The following MRO variants were observed in gnomAD, a reference collection of about 807,000 sequenced individuals.
The protein encoded by MRO is protein maestro.
A neutral mutation model predicts 31.0 loss-of-function variants in MRO; 28 were observed. The ratio of observed to expected loss-of-function variants is 0.90; its 90% CI spans 0.67 to 1.24. MRO has a LOEUF of 1.24. MRO is among the 50% of genes most tolerant of loss of function. MRO has a pLI of 0.00. For missense variants in MRO, 332 were observed against 289.2 expected (o/e 1.15, Z -1.07); for synonymous variants, 108 against 108.4 (o/e 1.00, Z 0.02).
chr18:50,824,450 T>G (rs1568141536), upstream of MRO, among the ~76,000 whole-genome samples: 1 of 146,156 alleles, frequency 6.8e-6, no homozygotes, highest in East Asian at 2.0e-4. Flanking sequence ...TTTCTTTTTT[T>G]TTTTCTTTCT....
At position 50,805,345 on chromosome 18, in the gene MRO, A is replaced by T; in HGVS notation, c.247-9T>A. Reference sequence around the variant, plus strand: ...TTCTTATACTTTCTCACCTGTCACCAAGGTTTGAAAAGCAGTAATAGCACA... The same window carrying T: ...TTCTTATACTTTCTCACCTGTCACCTAGGTTTGAAAAGCAGTAATAGCACA... On this transcript the variant is annotated splice_polypyrimidine_tract_variant and intron_variant, in intron 4 of 7. Transcript: ENST00000398439. The T allele has an allele frequency of 6.2e-7, 1 of 1,612,106 alleles. No individual in the cohort carries two copies. The highest frequency in any genetic ancestry group is 8.5e-7 in the Non-Finnish European group (1 of 1,178,846).
intron 5 of MRO, among the ~76,000 whole-genome samples, chr18:50,804,031 T>C (rs1272367047): frequency 6.6e-6 from 1 of 151,158 alleles, no homozygotes; most frequent in African/African-American, 2.4e-5. Context: ...TGTAGCCCTA[T>C]AGTCAGAGGA....
intron 4 of MRO, 114 bp downstream of exon 4, chr18:50,806,590 C>G (rs1913956802): frequency 7.7e-7 from 1 of 1,301,712 alleles, no homozygotes; most frequent in Non-Finnish European, 1.1e-6. Flanking sequence ...GTGGTTTGTT[C>G]CGGGGTGATA....
Position 50,806,748 on chromosome 18 carries a change from C to A in MRO, c.202G>T (p.Ala68Ser). ...RDPSAKKRHM[A>S]MRNLGTMAYE... Reference sequence around the variant, plus strand: ...GCCATGGTTCCCAAGTTTCTCATTGCCATGTGACGCTTTTTAGCACTGGGG... The same window carrying A: ...GCCATGGTTCCCAAGTTTCTCATTGACATGTGACGCTTTTTAGCACTGGGG... The change falls in exon 4 of 8, where the codon GCA becomes TCA. Residue 68 changes from alanine (A) to serine (S), a missense_variant. Coordinates refer to ENST00000398439, the MANE Select transcript of MRO (RefSeq NM_031939.6). 6.2e-7 allele frequency: 1 copy of A among 1,614,144 alleles called. No individual in the cohort carries two copies. The highest frequency in any genetic ancestry group is 8.5e-7 in the Non-Finnish European group (1 of 1,180,032).
At chr18:50,805,402 C>A in intron 4 of MRO, 66 bp from the exon 5 acceptor site, 1 of 1,331,836 alleles carries the variant, frequency 7.5e-7, no homozygotes, top group South Asian at 1.3e-5. Flanking sequence ...AAAAGCAACC[C>A]CACATCTAAG....
At chr18:50,801,316 G>A in intron 6 of MRO, 33 bp downstream of exon 6, 1 of 1,523,392 alleles carries the variant, frequency 6.6e-7, no homozygotes, top group Non-Finnish European at 8.8e-7. Context: ...GCATGGAGAT[G>A]TCACTCTGTT....
At chr18:50,813,821 C>T (rs1914663313) in intron 2 of MRO, among the ~76,000 whole-genome samples, 1 of 152,084 alleles carries the variant, frequency 6.6e-6, no homozygotes, top group Non-Finnish European at 1.5e-5. Context: ...AGGCCACAGA[C>T]ACCAGGGCCT....
chr18:50,799,278 G>T lies in MRO; in HGVS notation c.*59C>A. ...AAGAGGCATCCAGTGAGATAAAACA[G>T]GGGAACATGATGGCTCAGCAATGCA... On this transcript the variant is annotated 3_prime_UTR_variant, in exon 8 of 8. Transcript: ENST00000398439. The T allele has an allele frequency of 7.0e-7, 1 of 1,436,866 alleles. No individual in the cohort carries two copies. The highest frequency in any genetic ancestry group is 9.8e-7 in the Non-Finnish European group (1 of 1,018,934). 89.0% of individuals were successfully genotyped at this position (1,436,866 alleles called of 1,614,324 possible).
At chr18:50,818,371 C>T (rs953694909) in intron 2 of MRO, among the ~76,000 whole-genome samples, 6 of 152,188 alleles carry the variant, frequency 3.9e-5, no homozygotes, top group African/African-American at 1.4e-4. Context: ...TCTCTGCACA[C>T]GTTCTTCAAC....
chr18:50,802,347 C>T (rs764257371), intron 5 of MRO, among the ~76,000 whole-genome samples: 13 of 152,224 alleles, frequency 8.5e-5, no homozygotes, highest in East Asian at 1.9e-4. Flanking sequence ...CAGTGGACTC[C>T]GCCCTCTCTT....
chr18:50,815,959 G>A (rs1179743556), intron 2 of MRO, among the ~76,000 whole-genome samples: 4 of 152,050 alleles, frequency 2.6e-5, no homozygotes, highest in Non-Finnish European at 5.9e-5. Context: ...GCTTGAACCC[G>A]GGAGGCAGAG....
chr18:50,822,074 T>A (rs1446665430), upstream of MRO, among the ~76,000 whole-genome samples: 1 of 152,360 alleles, frequency 6.6e-6, no homozygotes, highest in African/African-American at 2.4e-5. Flanking sequence ...TATTTGCATA[T>A]CTATAACATG....
At chr18:50,810,173 CTGGGCTCA>C (rs879885973) in intron 2 of MRO, among the ~76,000 whole-genome samples, 66 of 152,314 alleles carry the variant, frequency 4.3e-4, no homozygotes, top group South Asian at 1.9e-3. Flanking sequence ...TCTCAAACTC[CTGGGCTCA>C]TGCAATCCTT....
chr18:50,818,003 C>CG lies in MRO; in HGVS notation c.-5+1577_-5+1578insC, dbSNP rs371747809. ...TTCTTAAAGAACTCCCACCCCCCGC[C>CG]CCATGCCCTCCTTCCTGCCTGCAGT... On this transcript the variant is annotated intron_variant, in intron 2 of 7. Transcript: ENST00000398439. Among the ~76,000 whole-genome samples the CG allele has an allele frequency of 6.1e-3, 792 of 129,176 alleles. 8 individuals are homozygous for CG. The highest frequency in any genetic ancestry group is 0.025 in the African/African-American group (765 of 30,812). 84.7% of individuals were successfully genotyped at this position (129,176 alleles called of 152,430 possible).
rs1249839165 is a variant in MRO, at chr18:50,796,969, G to T, written c.*2368C>A. 1 of 152,080 alleles carries T rather than the reference G, an allele frequency of 6.6e-6. No individual in the cohort carries two copies. Among genetic ancestry groups the T allele is most frequent in the Non-Finnish European group, 1.5e-5 (1 of 68,030 alleles). 9.4% of individuals were successfully genotyped at this position (152,080 alleles called of 1,614,324 possible). ...GGAAATAGAATTTAAACTCAAAGAG[G>T]ACTTATGAAGAGCAAAACAAAATTA... On this transcript the variant is annotated 3_prime_UTR_variant, in exon 8 of 8. Coordinates refer to ENST00000398439, the MANE Select transcript of MRO (RefSeq NM_031939.6).
rs772120522 is a variant in MRO, at chr18:50,806,667, C to A, written c.246+37G>T. The A allele has an allele frequency of 6.8e-6, 11 of 1,613,218 alleles. No individual in the cohort carries two copies. In the African/African-American group the frequency reaches 9.3e-5, roughly 14 times the overall value. ...CTCCACACCAAGGTGGTTGGAGAGG[C>A]TTGGGGAGCTGGCTGAGCCCCACTC... is the stretch of plus-strand genomic sequence containing the variant. On this transcript the variant is annotated intron_variant, in intron 4 of 7. Coordinates refer to ENST00000398439, the MANE Select transcript of MRO (RefSeq NM_031939.6).
intron 2 of MRO, among the ~76,000 whole-genome samples, chr18:50,818,449 C>G (rs1274914547): frequency 6.6e-6 from 1 of 152,120 alleles, no homozygotes; most frequent in Non-Finnish European, 1.5e-5. Context: ...TTCACGAACC[C>G]CAAGACCCCG....
chr18:50,817,698 A>G (rs1478917313), intron 2 of MRO, among the ~76,000 whole-genome samples: 2 of 150,120 alleles, frequency 1.3e-5, no homozygotes, highest in Non-Finnish European at 3.0e-5. Flanking sequence ...AGCAGAAACC[A>G]TGGAAGTCAG....
At chr18:50,803,434 G>C (rs1355804010) in intron 5 of MRO, among the ~76,000 whole-genome samples, 2 of 152,006 alleles carry the variant, frequency 1.3e-5, no homozygotes, top group African/African-American at 4.8e-5. Flanking sequence ...TTGAGCCTGG[G>C]AGGTTGAGGC....
Sources: gnomAD v4.1 joint callset for allele counts (sites outside exome capture counted in the v4.1 genomes callset) on GRCh38, gnomAD v4.1.1 for gene constraint, MANE v1.5 for transcripts, NCBI Gene and HGNC (gene_info 2026-07-23, HGNC 2026-07-21) for gene names.